RBKS: variants seen among roughly 807,000 people sequenced by gnomAD.
RBKS encodes ribokinase.
A neutral mutation model predicts 33.9 loss-of-function variants in RBKS; 33 were observed. The observed-to-expected ratio is 0.97, with a 90% CI of 0.74 to 1.30. The LOEUF (loss-of-function observed/expected upper bound fraction) is 1.30. RBKS is among the 50% of genes most tolerant of loss of function. The pLI, the probability that RBKS is intolerant of heterozygous loss-of-function variation, is 0.00. For missense variants in RBKS, 361 were observed against 392.6 expected, an observed-to-expected ratio of 0.92 and a Z score of 0.68; for synonymous variants, 125 against 143.0, an observed-to-expected ratio of 0.87 and a Z score of 0.90.
intron 4 of RBKS, among the ~76,000 whole-genome samples, chr2:27,846,132 T>C (rs188149359): frequency 2.4e-4 from 36 of 152,236 alleles, no homozygotes; most frequent in Admixed American, 1.6e-3. Flanking sequence ...GCCTGGCTAA[T>C]TGTTTTTGCA....
intron 1 of RBKS, among the ~76,000 whole-genome samples, chr2:27,865,593 T>C (rs74959993): frequency 1.1e-5 from 1 of 89,070 alleles, no homozygotes; most frequent in Non-Finnish European, 2.5e-5. Context: ...TTTTTTTTTT[T>C]GGTAGAGACA....
At chr2:27,887,143 C>G (rs1189239068) in intron 1 of RBKS, among the ~76,000 whole-genome samples, 1 of 152,096 alleles carries the variant, frequency 6.6e-6, no homozygotes, top group Non-Finnish European at 1.5e-5. Flanking sequence ...CACAAGAGTT[C>G]TTATAATGTA....
chr2:27,804,370 C>G (rs1287612002), intron 7 of RBKS, among the ~76,000 whole-genome samples: 1 of 152,146 alleles, frequency 6.6e-6, no homozygotes, highest in African/African-American at 2.4e-5. Flanking sequence ...ACAGTCACTC[C>G]CCATTCCTCC....
intron 7 of RBKS, among the ~76,000 whole-genome samples, chr2:27,796,855 C>A (rs1294441154): frequency 1.3e-5 from 2 of 152,154 alleles, no homozygotes; most frequent in African/African-American, 2.4e-5. Context: ...AGGCTGGTTT[C>A]TTATTTCCCT....
At chr2:27,832,871 G>GT in intron 5 of RBKS, 94 bp from the exon 6 acceptor site, 1 of 822,344 alleles carries the variant, frequency 1.2e-6, no homozygotes, top group East Asian at 2.6e-5. Flanking sequence ...CCCCGAGTTC[G>GT]TTTTTGTCTT....
intron 7 of RBKS, among the ~76,000 whole-genome samples, chr2:27,801,532 G>C (rs558310249): frequency 6.8e-4 from 102 of 149,834 alleles, no homozygotes; most frequent in Non-Finnish European, 1.3e-3. Context: ...ATGATGGTTC[G>C]ACTTATAATT....
chr2:27,849,559 C>CAAAAAAAAAAAAAAAAAAAAAAAA (rs70953894), intron 2 of RBKS, among the ~76,000 whole-genome samples: 52 of 28,572 alleles, frequency 1.8e-3, no homozygotes, highest in East Asian at 5.6e-3. Context: ...GACTCTGTCT[C>CAAAAAAAAAAAAAAAAAAAAAAAA]AAAAAAAAAA....
intron 5 of RBKS, among the ~76,000 whole-genome samples, chr2:27,838,617 T>A (rs1663371648): frequency 6.6e-6 from 1 of 152,246 alleles, no homozygotes. Flanking sequence ...CTTCTCAGCT[T>A]GTGCTACCAC....
chr2:27,791,649 A>ACAC (rs1456963977), intron 7 of RBKS, among the ~76,000 whole-genome samples: 734 of 52,280 alleles, frequency 0.014, 4 homozygotes, highest in Non-Finnish European at 0.017. Flanking sequence ...CACACTAAAT[A>ACAC]TACATATACA....
intron 7 of RBKS, among the ~76,000 whole-genome samples, chr2:27,805,081 T>C (rs1677870654): frequency 6.6e-6 from 1 of 152,114 alleles, no homozygotes; most frequent in Non-Finnish European, 1.5e-5. Context: ...CCATCCACAT[T>C]CTTCTCAAAC....
chr2:27,806,002 C>T (rs1309850729), intron 7 of RBKS, among the ~76,000 whole-genome samples: 1 of 152,112 alleles, frequency 6.6e-6, no homozygotes, highest in African/African-American at 2.4e-5. Flanking sequence ...AGTGATCCTC[C>T]TATCTCAGCC....
At chr2:27,863,094 A>T (rs1218313694) in intron 1 of RBKS, among the ~76,000 whole-genome samples, 1 of 152,256 alleles carries the variant, frequency 6.6e-6, no homozygotes, top group Non-Finnish European at 1.5e-5. Flanking sequence ...GTAGAAATAC[A>T]TTGTTACTAC....
At chr2:27,845,527 GAACAACAACAAC>G (rs5830051) in intron 4 of RBKS, among the ~76,000 whole-genome samples, 2 of 151,124 alleles carry the variant, frequency 1.3e-5, no homozygotes, top group African/African-American at 2.4e-5. Flanking sequence ...GATAGTCCTA[GAACAACAACAAC>G]AACAACAACA....
chr2:27,861,786 A>G (rs1393874508), intron 1 of RBKS, among the ~76,000 whole-genome samples: 13 of 151,014 alleles, frequency 8.6e-5, no homozygotes, highest in Admixed American at 7.9e-4. Context: ...CGAGTAGCTG[A>G]AATTACAGGC....
At chr2:27,886,817 A>G (rs1488946326) in intron 1 of RBKS, among the ~76,000 whole-genome samples, 1 of 152,180 alleles carries the variant, frequency 6.6e-6, no homozygotes, top group Admixed American at 6.5e-5. Flanking sequence ...CCAGTAAGTA[A>G]CCACTTACTG....
chr2:27,823,934 T>G (rs577779754), intron 7 of RBKS, among the ~76,000 whole-genome samples: 112 of 152,312 alleles, frequency 7.4e-4, no homozygotes, highest in African/African-American at 2.6e-3. Context: ...TAAAGGGGTA[T>G]GCTTTAGTGT....
intron 7 of RBKS, among the ~76,000 whole-genome samples, chr2:27,801,964 AT>A (rs56959137): frequency 0.04 from 1,941 of 48,390 alleles, 37 homozygotes; most frequent in African/African-American, 0.058. Flanking sequence ...AAAAAAAAAA[AT>A]ATATATATAT....
At chr2:27,872,348 TA>T (rs915715825) in intron 1 of RBKS, among the ~76,000 whole-genome samples, 9 of 151,804 alleles carry the variant, frequency 5.9e-5, no homozygotes, top group Non-Finnish European at 1.0e-4. Flanking sequence ...AGTGCAGTTA[TA>T]AAAAAAATTA....
intron 7 of RBKS, among the ~76,000 whole-genome samples, chr2:27,822,703 C>T (rs1433235920): frequency 6.6e-6 from 1 of 152,178 alleles, no homozygotes; most frequent in Non-Finnish European, 1.5e-5. Context: ...TGCCTAGTGC[C>T]TCATCAGCAA....
Sources: gnomAD v4.1 joint callset for allele counts (sites outside exome capture counted in the v4.1 genomes callset) on GRCh38, gnomAD v4.1.1 for gene constraint, MANE v1.5 for transcripts, NCBI Gene and HGNC (gene_info 2026-07-23, HGNC 2026-07-21) for gene names.